Variants in MRTFB observed in about 807,000 individuals in gnomAD.
MRTFB encodes the protein myocardin-related transcription factor B.
MRTFB carries 29 observed loss-of-function variants against 104.2 expected under a neutral mutation model. That is an observed-to-expected ratio of 0.28 (90% CI 0.21 to 0.38). MRTFB has a LOEUF of 0.38. MRTFB is among the 10% of genes least tolerant of loss of function. The probability of loss-of-function intolerance (pLI) is 1.00; values close to 1 mark genes in which losing one functional copy is unlikely to be tolerated. For synonymous variants in MRTFB, 535 were observed against 519.5 expected (o/e 1.03, Z -0.41); for missense variants, 1,270 against 1,341.6 (o/e 0.95, Z 0.83).
intron 3 of MRTFB, among the ~76,000 whole-genome samples, chr16:14,197,602 T>G (rs2151091907): frequency 6.6e-6 from 1 of 152,340 alleles, no homozygotes; most frequent in South Asian, 2.1e-4. Flanking sequence ...AACTCAGTTA[T>G]ATGCTCTAAG....
intron 9 of MRTFB, among the ~76,000 whole-genome samples, chr16:14,235,648 AGT>A (rs951025923): frequency 8.5e-5 from 13 of 152,204 alleles, no homozygotes; most frequent in Non-Finnish European, 1.0e-4. Context: ...GAATTCTTCC[AGT>A]GTTTCTATAA....
chr16:14,134,092 G>A (rs1344351228), intron 2 of MRTFB, among the ~76,000 whole-genome samples: 1 of 152,110 alleles, frequency 6.6e-6, no homozygotes, highest in Admixed American at 6.5e-5. Context: ...GTATCATGTT[G>A]GAGGGTTAGT....
At chr16:14,080,227 C>G (rs932607374) in intron 2 of MRTFB, among the ~76,000 whole-genome samples, 4 of 152,206 alleles carry the variant, frequency 2.6e-5, no homozygotes, top group African/African-American at 9.7e-5. Context: ...CATGGCTTAC[C>G]TGTCCTCTAA....
chr16:14,262,314 A>G lies in MRTFB; in HGVS notation c.*870A>G, dbSNP rs2043806629. On this transcript the variant is annotated 3_prime_UTR_variant, in exon 17 of 17. Coordinates refer to ENST00000571589, the MANE Select transcript of MRTFB (RefSeq NM_001308142.2). ...AGGTCCTACTTTTTTAATAGCTCGAATATTTCTAGAGTACTTGAGCCACAT... is the reference window on the plus strand; with the variant it reads ...AGGTCCTACTTTTTTAATAGCTCGAGTATTTCTAGAGTACTTGAGCCACAT... 6.6e-6 allele frequency: 1 copy of G among 152,242 alleles called. No individual in the cohort carries two copies. The highest frequency in any genetic ancestry group is 1.5e-5 in the Non-Finnish European group (1 of 68,036). 9.4% of individuals were successfully genotyped at this position (152,242 alleles called of 1,614,324 possible). A position where few individuals can be genotyped will look rare whatever the true frequency, so the allele number is the denominator to read the frequency against.
chr16:14,082,177 T>TA (rs1315427213), intron 2 of MRTFB, among the ~76,000 whole-genome samples: 2 of 152,254 alleles, frequency 1.3e-5, no homozygotes, highest in African/African-American at 4.8e-5. Flanking sequence ...TTTCACATCT[T>TA]ACGTTTAAGT....
At position 14,080,687 on chromosome 16, in the gene MRTFB, C is replaced by T. The variant is rs371591279; in HGVS notation, c.-64+1333C>T. ...CCGACCTTCTAACGCCTCTGGTAAC[C>T]ATCATTCTACTCTCTTCTTGTATGA... On this transcript the variant is annotated intron_variant, in intron 2 of 16. Transcript: ENST00000571589. 3.3e-5 allele frequency among the ~76,000 whole-genome samples: 5 copies of T among 152,280 alleles called. 1 individual carries two copies. Among genetic ancestry groups the T allele is most frequent in the African/African-American group, 1.2e-4 (5 of 41,566 alleles).
the MRTFB span, among the ~76,000 whole-genome samples, chr16:14,031,850 C>T: frequency 2.0e-5 from 3 of 152,138 alleles, no homozygotes; most frequent in African/African-American, 7.2e-5. Context: ...CTCTGTCACC[C>T]AGGCTGGAGT....
At position 14,246,884 on chromosome 16, in the gene MRTFB, T is replaced by C. The variant is rs1044781850; in HGVS notation, c.1624T>C (p.Ser542Pro). The change falls in exon 12 of 17, where the codon TCT becomes CCT. Residue 542 changes from serine to proline, a missense_variant. This residue lies in a region of MRTFB where 1,144 missense variants were observed against 1,131.5 expected (regional missense o/e 1.01). Transcript: ENST00000571589. ...MMSPSQFLSSSPLRMTNNEDS... is the reference protein window; with the variant it reads ...MMSPSQFLSSPPLRMTNNEDS... ...GTCGCCTTCACAGTTCTTGAGTTCA[T>C]CTCCTTTGAGAATGACAAATAATGA... The C allele has an allele frequency of 1.2e-6, 2 of 1,613,506 alleles. No individual in the cohort carries two copies. The highest frequency in any genetic ancestry group is 1.7e-6 in the Non-Finnish European group (2 of 1,180,020).
intron 12 of MRTFB, 100 bp downstream of exon 12, chr16:14,247,607 C>T: frequency 9.4e-7 from 1 of 1,058,704 alleles, no homozygotes; most frequent in Non-Finnish European, 1.3e-6. Flanking sequence ...TAAATGCGTC[C>T]AGAGCAGACC....
At chr16:14,237,662 G>A (rs911332796) in intron 9 of MRTFB, among the ~76,000 whole-genome samples, 2 of 152,182 alleles carry the variant, frequency 1.3e-5, no homozygotes, top group African/African-American at 4.8e-5. Flanking sequence ...ACAGCCAGGT[G>A]TGGGCAAGGG....
At chr16:14,038,857 TG>T in the MRTFB span, among the ~76,000 whole-genome samples, 2 of 152,154 alleles carry the variant, frequency 1.3e-5, no homozygotes, top group African/African-American at 4.8e-5. Flanking sequence ...TCCACATGGC[TG>T]GGGAGGCCTC....
chr16:14,167,429 C>CA (rs1318095545), intron 3 of MRTFB, among the ~76,000 whole-genome samples: 2 of 151,832 alleles, frequency 1.3e-5, no homozygotes, highest in Admixed American at 1.3e-4. Flanking sequence ...GGATAAATGG[C>CA]AAAATTTTTT....
chr16:14,171,411 C>T (rs1257025725), intron 3 of MRTFB, among the ~76,000 whole-genome samples: 2 of 151,846 alleles, frequency 1.3e-5, no homozygotes, highest in African/African-American at 2.4e-5. Context: ...AGAAGACTCT[C>T]TTGAACGTGG....
intron 15 of MRTFB, among the ~76,000 whole-genome samples, chr16:14,255,963 A>G (rs2043462237): frequency 6.6e-6 from 1 of 151,938 alleles, no homozygotes; most frequent in Non-Finnish European, 1.5e-5. Flanking sequence ...AAAGACAAAA[A>G]TTAGCCAGGT....
chr16:14,133,739 T>C (rs552229046), intron 2 of MRTFB, among the ~76,000 whole-genome samples: 22 of 152,308 alleles, frequency 1.4e-4, no homozygotes, highest in African/African-American at 5.3e-4. Flanking sequence ...ATTTAAATCA[T>C]GCTAATTATA....
rs777409335 is a variant in MRTFB at position 14,252,007 on chromosome 16, C to G, written c.2549C>G (p.Pro850Arg). Residue 850 changes from proline to arginine, a missense_variant, in exon 14 of 17, where the codon CCT (proline) becomes CGT (arginine). Physicochemically the swap from Pro to Arg is moderately radical, Grantham distance 103. This residue lies in a region of MRTFB where 1,144 missense variants were observed against 1,131.5 expected (regional missense o/e 1.01). Transcript: ENST00000571589. Reference protein sequence around the residue: ...NAPLPSLQNGPNTPNKPSSPP... With the variant: ...NAPLPSLQNGRNTPNKPSSPP... ...CCGCTTCCATCCCTGCAAAATGGAC[C>G]TAACACACCCAACAAGGTAACCCTG... The G allele has an allele frequency of 1.1e-5, 18 of 1,613,986 alleles. No individual in the cohort carries two copies. Among genetic ancestry groups the G allele is most frequent in the Non-Finnish European group, 1.4e-5 (16 of 1,180,018 alleles).
intron 3 of MRTFB, among the ~76,000 whole-genome samples, chr16:14,164,426 A>G (rs1379150662): frequency 6.6e-6 from 1 of 151,774 alleles, no homozygotes; most frequent in Non-Finnish European, 1.5e-5. Flanking sequence ...GTTGAATAGT[A>G]TTCTGTTGTG....
At chr16:14,237,497 GCA>G (rs1451370290) in intron 9 of MRTFB, among the ~76,000 whole-genome samples, 2 of 152,230 alleles carry the variant, frequency 1.3e-5, no homozygotes, top group Non-Finnish European at 2.9e-5. Flanking sequence ...GTTGGAGTGG[GCA>G]CAAGAGAGCC....
intron 3 of MRTFB, among the ~76,000 whole-genome samples, chr16:14,166,603 A>G (rs920639699): frequency 2.0e-5 from 3 of 152,146 alleles, no homozygotes; most frequent in Admixed American, 6.5e-5. Context: ...CTGTCAACCC[A>G]TCACCTAGGT....
Sources: allele counts gnomAD v4.1 joint callset (sites outside exome capture counted in the v4.1 genomes callset), GRCh38; gene constraint gnomAD v4.1.1; regional missense constraint gnomAD v4.1.1; transcripts MANE v1.5; gene names NCBI Gene and HGNC (gene_info 2026-07-23, HGNC 2026-07-21).